Variants in WDR64 observed in about 807,000 individuals in gnomAD.
WDR64 encodes the protein WD repeat-containing protein 64.
Under a neutral mutation model 139.3 loss-of-function variants are expected in WDR64, and 112 were observed. The observed-to-expected ratio is 0.80, with a 90% CI of 0.69 to 0.94. WDR64 has a LOEUF of 0.94. Among genes scored for constraint, WDR64 ranks in the 40% least tolerant of loss-of-function variants. The probability of loss-of-function intolerance (pLI) is 0.00; values close to 1 mark genes in which losing one functional copy is unlikely to be tolerated. For missense variants in WDR64, 1,206 were observed against 1,293.1 expected, an observed-to-expected ratio of 0.93 and a Z score of 1.03; for synonymous variants, 444 against 437.7, an observed-to-expected ratio of 1.01 and a Z score of -0.18.
chr1:241,789,194 A>G (rs1178418180), intron 24 of WDR64, among the ~76,000 whole-genome samples: 1 of 152,178 alleles, frequency 6.6e-6, no homozygotes, highest in East Asian at 1.9e-4. Flanking sequence ...GGCATGGTAC[A>G]TACAGGACAG....
chr1:241,792,068 T>A (rs2148329787), intron 25 of WDR64, among the ~76,000 whole-genome samples: 1 of 152,278 alleles, frequency 6.6e-6, no homozygotes, highest in East Asian at 1.9e-4. Context: ...TCTAAATGTA[T>A]CTCCCATTAC....
intron 15 of WDR64, among the ~76,000 whole-genome samples, chr1:241,761,309 G>A (rs1213161892): frequency 1.3e-5 from 2 of 152,022 alleles, no homozygotes; most frequent in Non-Finnish European, 2.9e-5. Context: ...TAAAAATAGT[G>A]AAATAATAAT....
chr1:241,771,822 A>G (rs1658441747), intron 19 of WDR64, 125 bp downstream of exon 19: 1 of 372,648 alleles, frequency 2.7e-6, no homozygotes, highest in Admixed American at 5.1e-5. Flanking sequence ...ATATATATTC[A>G]TATACATTCA....
rs150467848 is a variant in WDR64, at chr1:241,744,538, T to A, written c.1594+22T>A. ...AATGGTCAGACTAACATCCAGAATG[T>A]GGCGTCCCTGCTTTAGTGTCCTGAG... On this transcript the variant is annotated intron_variant, in intron 13 of 27. Transcript: ENST00000437684. 247 of 1,611,968 alleles carry A rather than the reference T, an allele frequency of 1.5e-4. 1 individual carries two copies. The highest frequency in any genetic ancestry group is 2.0e-4 in the Non-Finnish European group (236 of 1,179,494).
At chr1:241,746,519 G>A (rs1193958015) in intron 13 of WDR64, among the ~76,000 whole-genome samples, 1 of 147,090 alleles carries the variant, frequency 6.8e-6, no homozygotes, top group African/African-American at 2.7e-5. Flanking sequence ...AGAGTGGGTG[G>A]TGTTTTAAAA....
chr1:241,739,709 A>G (rs1669460622), intron 11 of WDR64, among the ~76,000 whole-genome samples: 1 of 152,242 alleles, frequency 6.6e-6, no homozygotes, highest in African/African-American at 2.4e-5. Flanking sequence ...AAAAGAAGAC[A>G]GAAAAATCAA....
At position 241,801,209 on chromosome 1, in the gene WDR64, C is replaced by A. The variant is rs1558530551; in HGVS notation, c.3270C>A (p.Pro1090=). ...CTTCTTCCTTCTTCCCAGCTATACC[C>A]AAGTAAGGAGAAAAAATCAGAAATG... ...NLASSFFPAI[P]K Residue 1090 remains proline (P), a synonymous_variant, in exon 28 of 28, where the codon CCC becomes CCA. Coordinates refer to ENST00000437684, the MANE Select transcript of WDR64 (RefSeq NM_001367482.1). 2 of 1,612,938 alleles carry A rather than the reference C, an allele frequency of 1.2e-6. No homozygotes were observed. The highest frequency in any genetic ancestry group is 8.5e-7 in the Non-Finnish European group (1 of 1,179,308).
At chr1:241,791,137 T>C (rs1404607081) in intron 25 of WDR64, among the ~76,000 whole-genome samples, 1 of 136,918 alleles carries the variant, frequency 7.3e-6, no homozygotes, top group Non-Finnish European at 1.6e-5. Context: ...AAGTAAAAAA[T>C]CTGCCAGGCA....
chr1:241,732,587 A>T (rs1231659730), intron 10 of WDR64, among the ~76,000 whole-genome samples: 2 of 152,180 alleles, frequency 1.3e-5, no homozygotes, highest in African/African-American at 4.8e-5. Context: ...TGGGAGGCTG[A>T]GGTGGGTGGA....
Position 241,741,639 on chromosome 1 carries a change from C to G in WDR64, c.1445C>G (p.Thr482Ser). Residue 482 changes from threonine (T) to serine (S), a missense_variant, in exon 12 of 28, where the codon ACT becomes AGT. Physicochemically the swap from Thr to Ser is moderately conservative, Grantham distance 58. Coordinates refer to ENST00000437684, the MANE Select transcript of WDR64 (RefSeq NM_001367482.1). ...LYNKYFHQVLTICSESIIRVW... is the reference protein window; with the variant it reads ...LYNKYFHQVLSICSESIIRVW... The stretch of plus-strand genomic sequence containing the variant: ...AACAAATATTTTCATCAAGTACTCA[C>G]TATCTGCTCTGAATCCATAATTAGG... 1 of 1,611,514 alleles carries G rather than the reference C, an allele frequency of 6.2e-7. No homozygotes were observed. Among genetic ancestry groups the G allele is most frequent in the East Asian group, 2.2e-5 (1 of 44,812 alleles).
intron 2 of WDR64, among the ~76,000 whole-genome samples, chr1:241,669,024 A>C (rs1445853508): frequency 6.6e-6 from 1 of 152,206 alleles, no homozygotes; most frequent in African/African-American, 2.4e-5. Context: ...AACGATAACA[A>C]TAGCTAATGT....
chr1:241,705,476 A>G (rs2148158015), intron 8 of WDR64, among the ~76,000 whole-genome samples: 1 of 151,432 alleles, frequency 6.6e-6, no homozygotes, highest in East Asian at 1.9e-4. Context: ...CGGGAGGCGG[A>G]GCTTGCAGTG....
rs571013351 is a variant in WDR64, at chr1:241,787,945, T to A, written c.2802T>A (p.Asp934Glu). 5 of 1,612,244 alleles carry A rather than the reference T, an allele frequency of 3.1e-6. No homozygotes were observed. Among genetic ancestry groups the A allele is most frequent in the East Asian group, 2.2e-5 (1 of 44,764 alleles). The part of the protein sequence containing the change: ...SQTRDFILPC[D>E]VTEYPIEIKE... ...CAAGAGATTTCATTTTGCCTTGTGA[T>A]GTTACTGAATATCCCATAGAAATAA... The change falls in exon 24 of 28, where the codon GAT (aspartate) becomes GAA (glutamate). Residue 934 changes from aspartate to glutamate, a missense_variant. Asp to Glu is a conservative substitution (Grantham distance 45). Transcript: ENST00000437684.
At chr1:241,720,373 C>T (rs911300352) in intron 9 of WDR64, among the ~76,000 whole-genome samples, 1 of 152,182 alleles carries the variant, frequency 6.6e-6, no homozygotes, top group African/African-American at 2.4e-5. Flanking sequence ...TTTGAGGAAT[C>T]GCTACACTGC....
At chr1:241,760,832 C>T (rs1280129579) in intron 15 of WDR64, among the ~76,000 whole-genome samples, 3 of 140,562 alleles carry the variant, frequency 2.1e-5, no homozygotes, top group Non-Finnish European at 3.0e-5. Flanking sequence ...GTGGCGCTAT[C>T]CCGGCTCACT....
At chr1:241,693,251 G>A (rs1324649800) in intron 8 of WDR64, among the ~76,000 whole-genome samples, 1 of 152,186 alleles carries the variant, frequency 6.6e-6, no homozygotes, top group Non-Finnish European at 1.5e-5. Context: ...GAGCTATCAA[G>A]CCATAAAAAG....
At chr1:241,670,134 G>GTAT (rs1197928587) in intron 2 of WDR64, among the ~76,000 whole-genome samples, 2 of 151,900 alleles carry the variant, frequency 1.3e-5, no homozygotes, top group African/African-American at 4.8e-5. Context: ...ATTTCTGTTG[G>GTAT]TTAATAAGAC....
intron 14 of WDR64, among the ~76,000 whole-genome samples, chr1:241,751,485 C>A (rs992006425): frequency 6.6e-6 from 1 of 152,122 alleles, no homozygotes; most frequent in African/African-American, 2.4e-5. Flanking sequence ...AAAACAAACA[C>A]CCCCATCCCG....
Position 241,683,721 on chromosome 1 carries a change from A to G in WDR64, c.839+20A>G. The G allele has an allele frequency of 6.9e-7, 1 of 1,456,208 alleles. No homozygotes were observed. Among genetic ancestry groups the G allele is most frequent in the Middle Eastern group, 2.1e-4 (1 of 4,862 alleles). The allele number at this position is 1,456,208 out of a possible 1,614,324, so 90.2% of individuals were successfully genotyped here. A position where few individuals can be genotyped will look rare whatever the true frequency, so the allele number is the denominator to read the frequency against. On this transcript the variant is annotated intron_variant, in intron 7 of 27. Transcript: ENST00000437684. Reference sequence around the variant, plus strand: ...TAAAAGGTAAGAGTATCATACAGTTAATTTAATTCTTTTAATAATTATAGT... The same window carrying G: ...TAAAAGGTAAGAGTATCATACAGTTGATTTAATTCTTTTAATAATTATAGT...
Sources: gnomAD v4.1 joint callset for allele counts (sites outside exome capture counted in the v4.1 genomes callset) on GRCh38, gnomAD v4.1.1 for gene constraint, MANE v1.5 for transcripts, NCBI Gene and HGNC (gene_info 2026-07-23, HGNC 2026-07-21) for gene names.